The following SPATC1L variants were observed in gnomAD, a reference collection of about 807,000 sequenced individuals.
The protein encoded by SPATC1L is spermatogenesis and centriole associated 1 like, also known as speriolin-like protein.
Under a neutral mutation model 21.2 loss-of-function variants are expected in SPATC1L, and 20 were observed. That is an observed-to-expected ratio of 0.94 (90% confidence interval 0.66 to 1.37). The LOEUF (loss-of-function observed/expected upper bound fraction) is 1.37, where lower values mean the gene tolerates loss of function less well. SPATC1L is among the 40% of genes most tolerant of loss of function. The probability of loss-of-function intolerance (pLI) is 0.00; values close to 1 mark genes in which losing one functional copy is unlikely to be tolerated. For missense variants in SPATC1L, 499 were observed against 478.7 expected (o/e 1.04, Z -0.40); for synonymous variants, 290 against 234.5 (o/e 1.24, Z -2.16).
At chr21:46,177,587 T>C (rs2079641686) in intron 2 of SPATC1L, among the ~76,000 whole-genome samples, 1 of 152,104 alleles carries the variant, frequency 6.6e-6, no homozygotes, top group Non-Finnish European at 1.5e-5. Context: ...TGGCTATAAT[T>C]AACAAGTCAA....
intron 3 of SPATC1L, among the ~76,000 whole-genome samples, chr21:46,165,764 C>G (rs1426915343): frequency 1.3e-5 from 2 of 150,456 alleles, no homozygotes; most frequent in East Asian, 3.8e-4. Context: ...CCAGAACACT[C>G]TCAACTTTGT....
intron 3 of SPATC1L, among the ~76,000 whole-genome samples, chr21:46,166,521 G>A (rs541324097): frequency 2.0e-5 from 3 of 152,142 alleles, no homozygotes; most frequent in African/African-American, 7.2e-5. Context: ...CCAACCATCT[G>A]CTGCCTACAA....
chr21:46,180,267 A>C lies in SPATC1L; in HGVS notation c.193+2357T>G, dbSNP rs1463612792. Among the ~76,000 whole-genome samples the C allele has an allele frequency of 5.3e-5, 8 of 152,188 alleles. 1 individual carries two copies. Among genetic ancestry groups the C allele is most frequent in the Non-Finnish European group, 1.2e-4 (8 of 68,036 alleles). ...GCGAAATGGATCGTTAAGGGGGAAA[A>C]GTCAAGTTGCGGAACAGCACAATCC... On this transcript the variant is annotated intron_variant, in intron 2 of 4. Coordinates refer to ENST00000291672, the MANE Select transcript of SPATC1L (RefSeq NM_001142854.2).
chr21:46,182,495 G>C (rs1254089909), intron 2 of SPATC1L, 129 bp downstream of exon 2: 2 of 854,944 alleles, frequency 2.3e-6, no homozygotes, highest in African/African-American at 3.5e-5. Context: ...GCTTTACTCA[G>C]ACCTGAGGGT....
At chr21:46,168,919 C>T (rs980096138) in intron 2 of SPATC1L, among the ~76,000 whole-genome samples, 1 of 152,190 alleles carries the variant, frequency 6.6e-6, no homozygotes, top group Non-Finnish European at 1.5e-5. Flanking sequence ...GGCAGGCCTC[C>T]GTGTGCCTCC....
chr21:46,167,202 A>C (rs1443239657), intron 3 of SPATC1L, among the ~76,000 whole-genome samples: 1 of 152,220 alleles, frequency 6.6e-6, no homozygotes, highest in Admixed American at 6.5e-5. Context: ...TAAGAAGGAA[A>C]TTTTAAAAAT....
Position 46,175,861 on chromosome 21 carries a change from T to A in SPATC1L, c.193+6763A>T, listed in dbSNP as rs976019015. 7.9e-4 allele frequency among the ~76,000 whole-genome samples: 120 copies of A among 152,044 alleles called. 2 individuals carry two copies. Among genetic ancestry groups the A allele is most frequent in the Non-Finnish European group, 1.5e-4 (10 of 67,966 alleles). ...CCGGCAGAGATGCAACAAAAAAAGA[T>A]AACTTCAGGCCAATATATTTGATGA... On this transcript the variant is annotated intron_variant, in intron 2 of 4. Coordinates refer to ENST00000291672, the MANE Select transcript of SPATC1L (RefSeq NM_001142854.2).
intron 2 of SPATC1L, among the ~76,000 whole-genome samples, chr21:46,181,986 T>C (rs1450291057): frequency 2.0e-5 from 3 of 152,162 alleles, no homozygotes; most frequent in African/African-American, 7.2e-5. Flanking sequence ...CCTATATATA[T>C]ACTTTTTTCA....
At chr21:46,164,951 C>T (rs2079530258) in intron 3 of SPATC1L, among the ~76,000 whole-genome samples, 2 of 152,108 alleles carry the variant, frequency 1.3e-5, no homozygotes, top group South Asian at 2.1e-4. Flanking sequence ...CAGCCAAAAA[C>T]CTGTTCTTCA....
chr21:46,181,510 AG>A (rs1466026243), intron 2 of SPATC1L, among the ~76,000 whole-genome samples: 1 of 152,206 alleles, frequency 6.6e-6, no homozygotes, highest in Non-Finnish European at 1.5e-5. Flanking sequence ...AGCTCCGAGC[AG>A]GGCCTGGGGC....
chr21:46,167,700 C>CAGAT (rs2079550945), intron 3 of SPATC1L, among the ~76,000 whole-genome samples: 1 of 152,148 alleles, frequency 6.6e-6, no homozygotes, highest in South Asian at 2.1e-4. Context: ...TGGTGGCATA[C>CAGAT]ACCTGTAGTC....
chr21:46,182,235 G>A (rs8134519), intron 2 of SPATC1L, among the ~76,000 whole-genome samples: 26,303 of 151,960 alleles, frequency 0.17, 2,748 homozygotes, highest in African/African-American at 0.29. Context: ...CACCCCCCTC[G>A]CCCCTGACCC....
chr21:46,162,180 C>G, intron 3 of SPATC1L, 113 bp from the exon 4 acceptor site: 2 of 1,198,040 alleles, frequency 1.7e-6, no homozygotes, highest in Non-Finnish European at 2.3e-6. Context: ...TCCCACCTGC[C>G]GCCACCCCCC....
chr21:46,168,572 C>T lies in SPATC1L; in HGVS notation c.280G>A (p.Ala94Thr). The T allele has an allele frequency of 1.4e-6, 2 of 1,472,412 alleles. No homozygotes were observed. The highest frequency in any genetic ancestry group is 1.8e-6 in the Non-Finnish European group (2 of 1,095,796). The allele number at this position is 1,472,412 out of a possible 1,614,324, so 91.2% of individuals were successfully genotyped here. ...SSLEDLLCSH[A>T]PLSSEDDTSP... The stretch of plus-strand genomic sequence containing the variant: ...GTGTCGTCCTCGCTGGACAGGGGGG[C>T]ATGTGAGCACAGCAGGTCCTCCAGG... The change falls in exon 3 of 5, where the codon GCC becomes ACC. Residue 94 changes from alanine to threonine, a missense_variant. By Grantham distance (58) the Ala-to-Thr change is moderately conservative. Transcript: ENST00000291672.
intron 2 of SPATC1L, among the ~76,000 whole-genome samples, chr21:46,176,399 A>G (rs933676764): frequency 5.3e-5 from 8 of 152,232 alleles, no homozygotes; most frequent in African/African-American, 1.9e-4. Context: ...GTCTCAACCT[A>G]GATTCTTAAG....
intron 2 of SPATC1L, among the ~76,000 whole-genome samples, chr21:46,171,428 CAAAAAA>C (rs10713326): frequency 1.4e-5 from 2 of 139,248 alleles, no homozygotes; most frequent in African/African-American, 2.6e-5. Context: ...GAATCCATCT[CAAAAAA>C]AAAAAAAAAA....
In SPATC1L at chr21:46,183,033, G is replaced by T; in HGVS notation, c.-217C>A. ...CCCCGTTGAGGCAGTGAAGCTGGAGGCCCGTGGCGTGCACAGGCAGCCACT... is the reference window on the plus strand; with the variant it reads ...CCCCGTTGAGGCAGTGAAGCTGGAGTCCCGTGGCGTGCACAGGCAGCCACT... On this transcript the variant is annotated 5_prime_UTR_variant, in exon 2 of 5. Coordinates refer to ENST00000291672, the MANE Select transcript of SPATC1L (RefSeq NM_001142854.2). 1 of 532,192 alleles carries T rather than the reference G, an allele frequency of 1.9e-6. No individual in the cohort carries two copies. Among genetic ancestry groups the T allele is most frequent in the South Asian group, 3.1e-5 (1 of 32,650 alleles). The allele number at this position is 532,192 out of a possible 1,614,324, so 33.0% of individuals were successfully genotyped here.
chr21:46,177,813 C>T (rs555591866), intron 2 of SPATC1L, among the ~76,000 whole-genome samples: 6 of 152,262 alleles, frequency 3.9e-5, no homozygotes, highest in South Asian at 4.1e-4. Flanking sequence ...GACACATGCA[C>T]GCATATGTTC....
At chr21:46,177,999 C>A (rs2041374249) in intron 2 of SPATC1L, among the ~76,000 whole-genome samples, 1 of 152,012 alleles carries the variant, frequency 6.6e-6, no homozygotes, top group African/African-American at 2.4e-5. Flanking sequence ...TTTGGGAGGC[C>A]AAGGCAGGTG....
Sources: gnomAD v4.1 joint callset for allele counts (sites outside exome capture counted in the v4.1 genomes callset) on GRCh38, gnomAD v4.1.1 for gene constraint, MANE v1.5 for transcripts, NCBI Gene and HGNC (gene_info 2026-07-23, HGNC 2026-07-21) for gene names.